The following MCTP1 variants were observed in gnomAD, a reference collection of about 807,000 sequenced individuals.
MCTP1 encodes multiple C2 and transmembrane domain containing 1, also known as multiple C2 and transmembrane domain-containing protein 1.
Under a neutral mutation model 120.6 loss-of-function variants are expected in MCTP1, and 69 were observed. The ratio of observed to expected loss-of-function variants is 0.57; its 90% CI spans 0.47 to 0.70. The LOEUF (loss-of-function observed/expected upper bound fraction) is 0.70, where lower values mean the gene tolerates loss of function less well. MCTP1 is among the 30% of genes least tolerant of loss of function. MCTP1 has a pLI of 0.00. For synonymous variants in MCTP1, 529 were observed against 493.1 expected (o/e 1.07, Z -0.96); for missense variants, 1,203 against 1,248.8 (o/e 0.96, Z 0.55).
intron 2 of MCTP1, among the ~76,000 whole-genome samples, chr5:95,000,544 T>G (rs1833470825): frequency 6.6e-6 from 1 of 152,158 alleles, no homozygotes; most frequent in Non-Finnish European, 1.5e-5. Context: ...TGTGTGTGTT[T>G]GTGTCTTTGC....
intron 17 of MCTP1, among the ~76,000 whole-genome samples, chr5:94,813,352 G>A (rs943401245): frequency 3.3e-4 from 50 of 152,098 alleles, no homozygotes; most frequent in Non-Finnish European, 4.4e-5. Context: ...CAGAACCCTC[G>A]TATGTCATTG....
chr5:94,940,616 G>GTATATATATACACATATACATATATA (rs959736219), intron 4 of MCTP1, among the ~76,000 whole-genome samples: 1 of 142,054 alleles, frequency 7.0e-6, no homozygotes, highest in African/African-American at 2.6e-5. Context: ...ACATATATAT[G>GTATATATATACACATATACATATATA]TGTATATATA....
intron 1 of MCTP1, among the ~76,000 whole-genome samples, chr5:95,260,615 G>A (rs1474054771): frequency 6.6e-6 from 1 of 151,804 alleles, no homozygotes; most frequent in African/African-American, 2.4e-5. Flanking sequence ...ATATGTGTGT[G>A]TATATATATA....
chr5:94,914,727 C>T (rs1443866986), intron 8 of MCTP1, among the ~76,000 whole-genome samples: 1 of 152,186 alleles, frequency 6.6e-6, no homozygotes, highest in East Asian at 1.9e-4. Flanking sequence ...AACTCCATGC[C>T]CACTTCAGCT....
intron 2 of MCTP1, among the ~76,000 whole-genome samples, chr5:94,955,397 T>C (rs930318842): frequency 6.6e-6 from 1 of 152,166 alleles, no homozygotes; most frequent in Non-Finnish European, 1.5e-5. Flanking sequence ...CAGTGGTACC[T>C]GGAATGCCAG....
At chr5:94,907,556 C>T (rs890692285) in intron 10 of MCTP1, among the ~76,000 whole-genome samples, 13 of 151,574 alleles carry the variant, frequency 8.6e-5, no homozygotes, top group African/African-American at 2.4e-5. Flanking sequence ...GCAATTTGTA[C>T]TGTTTTCTCA....
chr5:95,026,692 C>T (rs1432697350), intron 1 of MCTP1, among the ~76,000 whole-genome samples: 1 of 152,092 alleles, frequency 6.6e-6, no homozygotes, highest in East Asian at 1.9e-4. Flanking sequence ...GTATGCCTGG[C>T]TTCTAGGGAA....
intron 1 of MCTP1, among the ~76,000 whole-genome samples, chr5:95,104,739 GTAT>G (rs1203067284): frequency 3.3e-5 from 5 of 152,080 alleles, no homozygotes. Flanking sequence ...ATACTAAATA[GTAT>G]TATGAAATTT....
At position 95,085,247 on chromosome 5, in the gene MCTP1, C is replaced by T. The variant is rs371707393; in HGVS notation, c.721-67763G>A. On this transcript the variant is annotated intron_variant, in intron 1 of 22. Coordinates refer to ENST00000515393, the MANE Select transcript of MCTP1 (RefSeq NM_024717.7). ...AAAAGTAAACGCCCTCCTGAGTTGG[C>T]TTATATCATTACTGTATATCTTTTA... Among the ~76,000 whole-genome samples, 17 of 152,144 alleles carry T rather than the reference C, an allele frequency of 1.1e-4. No individual in the cohort carries two copies. The East Asian group carries it at 3.3e-3, about 29-fold the overall frequency.
chr5:94,954,872 G>A (rs1188380074), intron 2 of MCTP1, among the ~76,000 whole-genome samples: 2 of 152,074 alleles, frequency 1.3e-5, no homozygotes, highest in Non-Finnish European at 2.9e-5. Flanking sequence ...CAGGAGAAAG[G>A]GGAACACATG....
At chr5:95,083,417 T>A (rs1273899225) in intron 1 of MCTP1, among the ~76,000 whole-genome samples, 1 of 152,228 alleles carries the variant, frequency 6.6e-6, no homozygotes, top group African/African-American at 2.4e-5. Context: ...ACTATTAGGA[T>A]GTCTATTTAT....
At chr5:95,145,031 G>A (rs1760265905) in intron 1 of MCTP1, among the ~76,000 whole-genome samples, 2 of 152,084 alleles carry the variant, frequency 1.3e-5, no homozygotes, top group Admixed American at 1.3e-4. Flanking sequence ...TAATCCATGA[G>A]CATGGAATAC....
At position 95,284,057 on chromosome 5, in the gene MCTP1, G is replaced by T; in HGVS notation, c.519C>A (p.Pro173=). ...CATCTCGGGCGCGGTCCCCCCTCGGGGGAGGCTGGGGCGAGGAGGACAGGG... is the reference window on the plus strand; with the variant it reads ...CATCTCGGGCGCGGTCCCCCCTCGGTGGAGGCTGGGGCGAGGAGGACAGGG... ...SSSLSSSPQP[P]PRGDRARDEG... Residue 173 remains proline (P), a synonymous_variant, in exon 1 of 23, where the codon CCC becomes CCA. Coordinates refer to ENST00000515393, the MANE Select transcript of MCTP1 (RefSeq NM_024717.7). This position sits in a 1 kb window ranked among gnomAD's most constrained non-coding sequence, Gnocchi z 5.2. The T allele has an allele frequency of 6.5e-7, 1 of 1,536,270 alleles. No homozygotes were observed. Among genetic ancestry groups the T allele is most frequent in the East Asian group, 2.5e-5 (1 of 40,004 alleles).
intron 2 of MCTP1, among the ~76,000 whole-genome samples, chr5:95,000,502 T>C (rs1301533208): frequency 1.3e-5 from 2 of 152,196 alleles, no homozygotes; most frequent in Admixed American, 6.5e-5. Context: ...GACACTGCTA[T>C]TGATGATTCT....
intron 3 of MCTP1, among the ~76,000 whole-genome samples, chr5:94,952,713 CA>C (rs1458619262): frequency 1.3e-5 from 2 of 152,224 alleles, no homozygotes; most frequent in East Asian, 3.9e-4. Flanking sequence ...TTAATTACAT[CA>C]AACGAGAGGA....
At chr5:95,193,002 C>A (rs1749990163) in intron 1 of MCTP1, among the ~76,000 whole-genome samples, 1 of 152,076 alleles carries the variant, frequency 6.6e-6, no homozygotes, top group Admixed American at 6.6e-5. Flanking sequence ...ATTGCACCTG[C>A]CATGTAGTTG....
intron 1 of MCTP1, among the ~76,000 whole-genome samples, chr5:95,083,529 C>T (rs1317794801): frequency 6.6e-6 from 1 of 152,130 alleles, no homozygotes; most frequent in Non-Finnish European, 1.5e-5. Flanking sequence ...GTAAGCATGC[C>T]AACCTCTCCA....
At chr5:94,721,494 A>T (rs894900011) in intron 19 of MCTP1, among the ~76,000 whole-genome samples, 4 of 152,200 alleles carry the variant, frequency 2.6e-5, no homozygotes, top group Admixed American at 6.5e-5. Flanking sequence ...GCCAAAAGAC[A>T]AAATAATATG....
intron 1 of MCTP1, among the ~76,000 whole-genome samples, chr5:95,074,103 G>A (rs1335701337): frequency 6.6e-6 from 1 of 152,114 alleles, no homozygotes. Context: ...GCGACAGAGT[G>A]AGACTCCGTC....
Sources: allele counts gnomAD v4.1 joint callset (sites outside exome capture counted in the v4.1 genomes callset), GRCh38; gene constraint gnomAD v4.1.1; non-coding constraint Gnocchi (gnomAD v3.1); transcripts MANE v1.5; gene names NCBI Gene and HGNC (gene_info 2026-07-23, HGNC 2026-07-21).